IQSEC3: variants seen among roughly 807,000 people sequenced by gnomAD.
IQSEC3 encodes IQ motif and Sec7 domain ArfGEF 3, also known as IQ motif and SEC7 domain-containing protein 3.
Under a neutral mutation model 105.4 loss-of-function variants are expected in IQSEC3, and 50 were observed. The observed-to-expected ratio is 0.47, with a 90% CI of 0.38 to 0.60. The LOEUF is 0.60. IQSEC3 is among the 20% of genes least tolerant of loss of function. The pLI is 0.00. For missense variants in IQSEC3, 1,415 were observed against 1,630.0 expected (o/e 0.87, Z 2.27); for synonymous variants, 708 against 746.0 (o/e 0.95, Z 0.83).
intron 6 of IQSEC3, 35 bp downstream of exon 6, chr12:157,182 C>T: frequency 6.7e-7 from 1 of 1,500,716 alleles, no homozygotes; most frequent in Non-Finnish European, 8.9e-7. Flanking sequence ...CCCCAACAGA[C>T]CCCAGCGTGG....
At chr12:70,253 C>T (rs1286461410) in intron 1 of IQSEC3, among the ~76,000 whole-genome samples, 24 of 152,378 alleles carry the variant, frequency 1.6e-4, no homozygotes, top group African/African-American at 4.8e-4. Context: ...CCAGGAGAGG[C>T]AGAAGCCCTA....
intron 2 of IQSEC3, among the ~76,000 whole-genome samples, chr12:107,819 A>AAAAAAT: frequency 6.6e-6 from 1 of 152,108 alleles, no homozygotes. Flanking sequence ...ATTCTTGAGT[A>AAAAAAT]TTGCATCACA....
chr12:139,396 T>TGGGA, intron 4 of IQSEC3, 42 bp downstream of exon 4: 1 of 1,464,374 alleles, frequency 6.8e-7, no homozygotes, highest in Non-Finnish European at 9.2e-7. Flanking sequence ...CTGGGCGTCC[T>TGGGA]GGGAGGGAGG....
intron 1 of IQSEC3, among the ~76,000 whole-genome samples, chr12:95,296 C>A (rs1397548425): frequency 6.6e-6 from 1 of 152,154 alleles, no homozygotes; most frequent in East Asian, 1.9e-4. Context: ...TTAAAAAATT[C>A]ATGTTTGTTG....
In IQSEC3 at chr12:136,853, G is replaced by A. The variant is rs1865783785; in HGVS notation, c.904-1414G>A. Among the ~76,000 whole-genome samples the A allele has an allele frequency of 2.6e-5, 4 of 152,146 alleles. No homozygotes were observed. In the South Asian group the frequency reaches 6.2e-4, roughly 24 times the overall value. ...TATTTAAAGGCAGAAGCCTCTGGGG[G>A]CATGGCTGTCATACCTCCCCAGTCC... is the stretch of plus-strand genomic sequence containing the variant. On this transcript the variant is annotated intron_variant, in intron 3 of 13. Transcript: ENST00000538872.
At chr12:120,189 T>C (rs1865172701) in intron 2 of IQSEC3, among the ~76,000 whole-genome samples, 1 of 152,106 alleles carries the variant, frequency 6.6e-6, no homozygotes, top group Non-Finnish European at 1.5e-5. Flanking sequence ...GTACCAAGAA[T>C]TGTTAGAGCA....
rs182053389 is a variant in IQSEC3 at position 132,190 on chromosome 12, G to A, written c.904-6077G>A. Among the ~76,000 whole-genome samples, 466 of 152,296 alleles carry A rather than the reference G, an allele frequency of 3.1e-3. 3 individuals carry two copies. In the Middle Eastern group the frequency reaches 0.058, roughly 19 times the overall value. On this transcript the variant is annotated intron_variant, in intron 3 of 13. Coordinates refer to ENST00000538872, the MANE Select transcript of IQSEC3 (RefSeq NM_001170738.2). Reference sequence around the variant, plus strand: ...AGAGGACATTTCTACCTGGAGGAAAGGGGAGGCTGGGAGTTGAGGTTGGGG... The same window carrying A: ...AGAGGACATTTCTACCTGGAGGAAAAGGGAGGCTGGGAGTTGAGGTTGGGG...
In IQSEC3 at chr12:170,564, G is replaced by A. The variant is rs990167723; in HGVS notation, c.3065-548G>A. Reference sequence around the variant, plus strand: ...AGTGACTCAGCCACAAAGAGCCAATGAGCTGTCCGTGGGGGTCCGCAGGGC... The same window carrying A: ...AGTGACTCAGCCACAAAGAGCCAATAAGCTGTCCGTGGGGGTCCGCAGGGC... On this transcript the variant is annotated intron_variant, in intron 12 of 13. Coordinates refer to ENST00000538872, the MANE Select transcript of IQSEC3 (RefSeq NM_001170738.2). 3.3e-5 allele frequency among the ~76,000 whole-genome samples: 5 copies of A among 152,364 alleles called. No homozygotes were observed. The East Asian group carries it at 9.7e-4, about 29-fold the overall frequency.
chr12:174,741 C>G lies in IQSEC3; in HGVS notation c.3257C>G (p.Pro1086Arg). The part of the protein sequence containing the change: ...TPPLPPPPPT[P>R]PGTLVQCQQI... ...CCACTGCCGCCGCCGCCACCCACGC[C>G]CCCGGGCACCCTGGTGCAGTGCCAG... Residue 1086 changes from proline to arginine, a missense_variant, in exon 14 of 14, where the codon CCC becomes CGC. Pro to Arg is a moderately radical substitution (Grantham distance 103). Transcript: ENST00000538872. 6.3e-7 allele frequency: 1 copy of G among 1,592,670 alleles called. No individual in the cohort carries two copies. Among genetic ancestry groups the G allele is most frequent in the Non-Finnish European group, 8.5e-7 (1 of 1,177,834 alleles).
At chr12:105,342 C>T (rs1188963778) in intron 2 of IQSEC3, among the ~76,000 whole-genome samples, 8 of 152,100 alleles carry the variant, frequency 5.3e-5, no homozygotes, top group Non-Finnish European at 1.2e-4. Context: ...AGGGTGGGGG[C>T]GGGAATCCTG....
intron 1 of IQSEC3, among the ~76,000 whole-genome samples, chr12:74,447 G>C (rs1158540273): frequency 5.9e-5 from 9 of 152,276 alleles, no homozygotes; most frequent in East Asian, 3.8e-4. Context: ...CATAGGCAAA[G>C]ACTGCTGATG....
rs1257747190 is a variant in IQSEC3, at chr12:99,462, T to C, written c.623+248T>C. 3.3e-5 allele frequency among the ~76,000 whole-genome samples: 5 copies of C among 152,194 alleles called. No homozygotes were observed. In the East Asian group the frequency reaches 9.6e-4, roughly 29 times the overall value. On this transcript the variant is annotated intron_variant, in intron 2 of 13. Coordinates refer to ENST00000538872, the MANE Select transcript of IQSEC3 (RefSeq NM_001170738.2). ...ACCCCACACGTAGGCTCCTTCCTTC[T>C]AAACGGCCCATGTAAAATCTAACTT...
At position 147,187 on chromosome 12, in the gene IQSEC3, C is replaced by T. The variant is rs150700381; in HGVS notation, c.2153+5902C>T. 2.6e-3 allele frequency among the ~76,000 whole-genome samples: 397 copies of T among 152,256 alleles called. 3 individuals carry two copies. Among genetic ancestry groups the T allele is most frequent in the African/African-American group, 8.9e-3 (371 of 41,548 alleles). On this transcript the variant is annotated intron_variant, in intron 5 of 13. Coordinates refer to ENST00000538872, the MANE Select transcript of IQSEC3 (RefSeq NM_001170738.2). ...CTGTGGCTGCAACAGGCCACTCGGA[C>T]GTGGGCCTTCTAGAAGGGTCTTCCG...
intron 5 of IQSEC3, among the ~76,000 whole-genome samples, chr12:146,370 C>A (rs938635115): frequency 2.0e-5 from 3 of 152,172 alleles, no homozygotes; most frequent in African/African-American, 7.2e-5. Context: ...GGTCGCAGCA[C>A]TTTGGGAGGC....
At chr12:126,594 G>A (rs12578264) in intron 3 of IQSEC3, among the ~76,000 whole-genome samples, 58,305 of 150,578 alleles carry the variant, frequency 0.39, 11,922 homozygotes, top group Non-Finnish European at 0.45. Context: ...AAGGTGTGAT[G>A]GTGTGATACT....
intron 4 of IQSEC3, chr12:139,689 G>A (rs1045488446): frequency 6.9e-5 from 16 of 231,694 alleles, no homozygotes; most frequent in Middle Eastern, 1.3e-3. Flanking sequence ...GTAAATAACA[G>A]TCCAGGCCGT....
intron 7 of IQSEC3, among the ~76,000 whole-genome samples, chr12:158,483 A>G (rs1866775840): frequency 2.0e-5 from 3 of 152,054 alleles, no homozygotes; most frequent in Admixed American, 6.5e-5. Flanking sequence ...TCACACCTGG[A>G]TCCTGATCTG....
In IQSEC3 at chr12:141,277, C is replaced by T. The variant is rs139571026; in HGVS notation, c.2145C>T (p.Asp715=). The T allele has an allele frequency of 2.8e-5, 45 of 1,613,522 alleles. No homozygotes were observed. Among genetic ancestry groups the T allele is most frequent in the African/African-American group, 1.5e-4 (11 of 74,924 alleles). ...ACAGCAAGAAGCAGTTCAACCGCGA[C>T]GTGCTGGAGTGAGTACCCCACACTC... ...LGNSKKQFNR[D]VLDCVVDEMD... is the part of the protein sequence containing the mutation. Residue 715 remains aspartate (D), a synonymous_variant, in exon 5 of 14, where the codon GAC becomes GAT. Coordinates refer to ENST00000538872, the MANE Select transcript of IQSEC3 (RefSeq NM_001170738.2).
chr12:157,787 C>A, intron 7 of IQSEC3, 93 bp downstream of exon 7: 1 of 1,375,116 alleles, frequency 7.3e-7, no homozygotes, highest in Middle Eastern at 1.9e-4. Context: ...GCCCCTATCA[C>A]AGATGGTCAC....
Sources: allele counts gnomAD v4.1 joint callset (sites outside exome capture counted in the v4.1 genomes callset), GRCh38; gene constraint gnomAD v4.1.1; transcripts MANE v1.5; gene names NCBI Gene and HGNC (gene_info 2026-07-23, HGNC 2026-07-21).